Variants in ERBB4 observed in about 807,000 individuals in gnomAD.
ERBB4 encodes the protein receptor tyrosine-protein kinase erbB-4.
In ERBB4, 42 loss-of-function variants were observed where a neutral mutation model predicts 158.0. The ratio of observed to expected loss-of-function variants is 0.27; its 90% CI spans 0.21 to 0.34. The LOEUF is 0.34. Ranked by LOEUF, ERBB4 falls within the 10% of genes least tolerant of loss-of-function variation. ERBB4 has a pLI of 1.00. For missense variants in ERBB4, 1,333 were observed against 1,624.1 expected (o/e 0.82, Z 3.08); for synonymous variants, 583 against 558.7 (o/e 1.04, Z -0.61).
intron 14 of ERBB4, among the ~76,000 whole-genome samples, 192 bp downstream of exon 14, chr2:211,672,972 T>C (rs911121809): frequency 3.3e-5 from 5 of 152,232 alleles, no homozygotes; most frequent in African/African-American, 1.2e-4. Context: ...GGAGAATAAA[T>C]ATGTATGACA....
chr2:212,441,775 A>G (rs2092259878), intron 1 of ERBB4, among the ~76,000 whole-genome samples: 1 of 152,174 alleles, frequency 6.6e-6, no homozygotes, highest in Non-Finnish European at 1.5e-5. Context: ...TGAGCTGGAA[A>G]TGCCTGATCT....
intron 1 of ERBB4, among the ~76,000 whole-genome samples, chr2:212,215,015 T>C (rs998673784): frequency 1.3e-5 from 2 of 151,552 alleles, no homozygotes; most frequent in Admixed American, 6.6e-5. Context: ...TGAATCCCTG[T>C]ATATAAAGTC....
intron 20 of ERBB4, among the ~76,000 whole-genome samples, chr2:211,491,195 G>A (rs2065333358): frequency 6.6e-6 from 1 of 152,042 alleles, no homozygotes; most frequent in Admixed American, 6.6e-5. Context: ...TTTATTGTAA[G>A]GGATTTTTTT....
chr2:211,422,299 AAATGT>A (rs1473763670), intron 23 of ERBB4, among the ~76,000 whole-genome samples, 195 bp from the exon 24 acceptor site: 7 of 151,974 alleles, frequency 4.6e-5, no homozygotes, highest in African/African-American at 7.2e-5. Context: ...ATTCATAACT[AAATGT>A]AATGTACTGT....
intron 1 of ERBB4, among the ~76,000 whole-genome samples, chr2:212,226,865 T>C (rs568068033): frequency 1.3e-5 from 2 of 152,264 alleles, no homozygotes; most frequent in African/African-American, 4.8e-5. Flanking sequence ...ATCAGGAATA[T>C]CATATACCTC....
At chr2:211,944,458 T>C (rs1401059128) in intron 3 of ERBB4, among the ~76,000 whole-genome samples, 1 of 151,570 alleles carries the variant, frequency 6.6e-6, no homozygotes, top group African/African-American at 2.4e-5. Flanking sequence ...TCCCAGCATC[T>C]TCCTTATCTT....
At chr2:211,869,056 C>G (rs1408420074) in intron 3 of ERBB4, among the ~76,000 whole-genome samples, 1 of 151,840 alleles carries the variant, frequency 6.6e-6, no homozygotes, top group Non-Finnish European at 1.5e-5. Context: ...GTCTAAATAT[C>G]CCAGCACAGC....
At position 212,175,094 on chromosome 2, in the gene ERBB4, G is replaced by T. The variant is rs148041738; in HGVS notation, c.83-50191C>A. ...TTTCTTATTCTTTCATCAAGATCTGGTGTAAAAGTCACCATATCATCTCTA... is the reference window on the plus strand; with the variant it reads ...TTTCTTATTCTTTCATCAAGATCTGTTGTAAAAGTCACCATATCATCTCTA... On this transcript the variant is annotated intron_variant, in intron 1 of 27. Transcript: ENST00000342788. Among the ~76,000 whole-genome samples, 1,233 of 152,000 alleles carry T rather than the reference G, an allele frequency of 8.1e-3. 13 individuals are homozygous for T. Among genetic ancestry groups the T allele is most frequent in the Non-Finnish European group, 0.012 (791 of 67,954 alleles).
At chr2:212,342,346 G>A (rs976491333) in intron 1 of ERBB4, among the ~76,000 whole-genome samples, 1 of 152,088 alleles carries the variant, frequency 6.6e-6, no homozygotes, top group African/African-American at 2.4e-5. Context: ...TTTTTCCCGT[G>A]CTGTTCTCAT....
intron 1 of ERBB4, among the ~76,000 whole-genome samples, chr2:212,477,213 T>C (rs1689448590): frequency 1.3e-5 from 2 of 152,144 alleles, no homozygotes; most frequent in South Asian, 4.1e-4. Context: ...TACAAAGGTC[T>C]AGCTGGAAGG....
chr2:211,925,068 G>A (rs1042417261), intron 3 of ERBB4, among the ~76,000 whole-genome samples: 3 of 152,126 alleles, frequency 2.0e-5, no homozygotes, highest in African/African-American at 7.2e-5. Context: ...TTTTCATCAC[G>A]TAATCAATGA....
intron 2 of ERBB4, among the ~76,000 whole-genome samples, chr2:212,069,459 AC>A (rs1369765259): frequency 6.6e-6 from 1 of 152,056 alleles, no homozygotes; most frequent in Non-Finnish European, 1.5e-5. Flanking sequence ...CTAACATCAT[AC>A]TTAATGATGA....
intron 2 of ERBB4, among the ~76,000 whole-genome samples, chr2:212,003,116 G>GAAA (rs1559292040): frequency 6.1e-5 from 1 of 16,424 alleles, no homozygotes; most frequent in African/African-American, 1.3e-4. Context: ...AAAGAAAGAA[G>GAAA]GAAGGAAGGA....
rs553990925 is a variant in ERBB4 at position 211,856,706 on chromosome 2, T to A, written c.422-68547A>T. Reference sequence around the variant, plus strand: ...CCAGCCTAGTCTTGTAATTTCTTTCTAGTCTGGAGGAAAGAAAGCAGACTT... The same window carrying A: ...CCAGCCTAGTCTTGTAATTTCTTTCAAGTCTGGAGGAAAGAAAGCAGACTT... On this transcript the variant is annotated intron_variant, in intron 3 of 27. Coordinates refer to ENST00000342788, the MANE Select transcript of ERBB4 (RefSeq NM_005235.3). Among the ~76,000 whole-genome samples, 25 of 152,254 alleles carry A rather than the reference T, an allele frequency of 1.6e-4. No individual in the cohort carries two copies. The South Asian group carries it at 5.2e-3, about 32-fold the overall frequency.
intron 20 of ERBB4, among the ~76,000 whole-genome samples, chr2:211,470,666 T>G (rs2064808711): frequency 6.6e-6 from 1 of 152,206 alleles, no homozygotes; most frequent in Non-Finnish European, 1.5e-5. Context: ...AAACTGTACT[T>G]CTCAAACTTT....
At chr2:211,835,951 A>C (rs578154616) in intron 3 of ERBB4, among the ~76,000 whole-genome samples, 10 of 152,212 alleles carry the variant, frequency 6.6e-5, no homozygotes, top group African/African-American at 2.4e-4. Flanking sequence ...TCCTAGAATT[A>C]GAACTGGGAA....
At chr2:212,011,728 C>A (rs1164848312) in intron 2 of ERBB4, among the ~76,000 whole-genome samples, 1 of 148,148 alleles carries the variant, frequency 6.8e-6, no homozygotes, top group South Asian at 2.1e-4. Flanking sequence ...CCAGCCTGGG[C>A]AAGACAGCGA....
chr2:212,483,442 A>G (rs1459350760), intron 1 of ERBB4, among the ~76,000 whole-genome samples: 1 of 152,188 alleles, frequency 6.6e-6, no homozygotes, highest in East Asian at 1.9e-4. Flanking sequence ...CTTTTTTGAC[A>G]TTAAGTTTTT....
chr2:212,331,071 T>TATATATATATATATATATAC (rs147932949), intron 1 of ERBB4, among the ~76,000 whole-genome samples: 2,708 of 120,032 alleles, frequency 0.023, 175 homozygotes, highest in Non-Finnish European at 0.036. Flanking sequence ...TATATATATA[T>TATATATATATATATATATAC]ACACATATAT....
Sources: gnomAD v4.1 joint callset for allele counts (sites outside exome capture counted in the v4.1 genomes callset) on GRCh38, gnomAD v4.1.1 for gene constraint, MANE v1.5 for transcripts, NCBI Gene and HGNC (gene_info 2026-07-23, HGNC 2026-07-21) for gene names.